The following SRGAP3 variants were observed in gnomAD, a reference collection of about 807,000 sequenced individuals.
SRGAP3 encodes SLIT-ROBO Rho GTPase activating protein 3.
SRGAP3 carries 39 observed loss-of-function variants against 121.1 expected under a neutral mutation model. The ratio of observed to expected loss-of-function variants is 0.32; its 90% CI spans 0.25 to 0.42. The LOEUF (loss-of-function observed/expected upper bound fraction) is 0.42. SRGAP3 is among the 10% of genes least tolerant of loss of function. The pLI, the probability that SRGAP3 is intolerant of heterozygous loss-of-function variation, is 1.00. For synonymous variants in SRGAP3, 601 were observed against 570.0 expected, an observed-to-expected ratio of 1.05 and a Z score of -0.77; for missense variants, 1,213 against 1,470.6, an observed-to-expected ratio of 0.82 and a Z score of 2.86.
chr3:9,298,654 G>T lies in SRGAP3; in HGVS notation n.442+27356C>A, dbSNP rs192941758. ...ACTTTCAGGTTTAGGCATTAAGAAG[G>T]CCTGGCAGCTTGAGCCACCAAGGAC... is the stretch of plus-strand genomic sequence containing the variant. On this transcript the variant is annotated intron_variant and non_coding_transcript_variant, in intron 3 of 3. Coordinates refer to the SRGAP3 transcript ENST00000490889. Among the ~76,000 whole-genome samples the T allele has an allele frequency of 3.3e-5, 5 of 152,298 alleles. No individual in the cohort carries two copies. The East Asian group carries it at 9.6e-4, about 29-fold the overall frequency.
intron 1 of SRGAP3, among the ~76,000 whole-genome samples, chr3:9,190,868 G>A (rs1951732113): frequency 6.6e-6 from 1 of 152,150 alleles, no homozygotes; most frequent in African/African-American, 2.4e-5. Context: ...CCTTAGGGGA[G>A]GGGAGCCCCA....
intron 3 of SRGAP3, among the ~76,000 whole-genome samples, chr3:9,314,985 C>G (rs1955319729): frequency 6.6e-6 from 1 of 152,204 alleles, no homozygotes; most frequent in Non-Finnish European, 1.5e-5. Context: ...AAAGCCTCTT[C>G]CATTGAAAGT....
At chr3:9,289,509 A>T (rs751369804) in intron 3 of SRGAP3, among the ~76,000 whole-genome samples, 10 of 152,136 alleles carry the variant, frequency 6.6e-5, no homozygotes, top group Non-Finnish European at 1.5e-4. Context: ...GTCTAACATC[A>T]CTTTGGTTGT....
At chr3:9,336,261 G>C (rs1206324350) in intron 1 of SRGAP3, among the ~76,000 whole-genome samples, 1 of 148,104 alleles carries the variant, frequency 6.8e-6, no homozygotes, top group African/African-American at 2.5e-5. Flanking sequence ...CTGTAACCCA[G>C]ACTATAGTTC....
chr3:9,195,131 A>G (rs1280021896), intron 1 of SRGAP3, among the ~76,000 whole-genome samples: 1 of 152,268 alleles, frequency 6.6e-6, no homozygotes, highest in East Asian at 1.9e-4. Flanking sequence ...AGAGATGCAC[A>G]TAGCTCTCCA....
intron 3 of SRGAP3, among the ~76,000 whole-genome samples, chr3:9,261,542 T>C (rs1030436895): frequency 6.6e-6 from 1 of 151,580 alleles, no homozygotes; most frequent in Non-Finnish European, 1.5e-5. Flanking sequence ...GCACAAGAAC[T>C]TCGTGAAGCA....
At chr3:9,309,106 T>G (rs1955202458) in intron 3 of SRGAP3, among the ~76,000 whole-genome samples, 1 of 152,198 alleles carries the variant, frequency 6.6e-6, no homozygotes, top group South Asian at 2.1e-4. Context: ...ATGCTCCTTT[T>G]GGGGACTCAC....
rs1343773786 is a variant in SRGAP3, at chr3:9,249,412, T to TCA, written c.-463_-462dup. The TCA allele has an allele frequency of 3.0e-5, 8 of 262,448 alleles. No homozygotes were observed. The highest frequency in any genetic ancestry group is 6.6e-5 in the African/African-American group (3 of 45,714). 16.3% of individuals were successfully genotyped at this position (262,448 alleles called of 1,614,324 possible). On this transcript the variant is annotated 5_prime_UTR_variant, in exon 1 of 22. The change creates a premature stop within an existing upstream ORF in the 5' untranslated region. Transcript: ENST00000383836. ...CACGCACACACACTCGCTGGATCACTCACACACACACATCCACGAGAGGCG... is the reference window on the plus strand; with the variant it reads ...CACGCACACACACTCGCTGGATCACTCACACACACACACATCCACGAGAGGCG...
At chr3:8,995,143 T>G (rs1313194517) in intron 18 of SRGAP3, among the ~76,000 whole-genome samples, 1 of 152,116 alleles carries the variant, frequency 6.6e-6, no homozygotes, top group Non-Finnish European at 1.5e-5. Flanking sequence ...GAGGTCATAA[T>G]GGTGGGGTCA....
chr3:8,992,532 G>A (rs767369045), intron 20 of SRGAP3: 5 of 398,220 alleles, frequency 1.3e-5, no homozygotes, highest in Non-Finnish European at 2.3e-5. Flanking sequence ...GAATATGTGA[G>A]CTTTACATTT....
intron 14 of SRGAP3, among the ~76,000 whole-genome samples, chr3:9,023,842 C>A (rs962316570): frequency 6.6e-6 from 1 of 152,132 alleles, no homozygotes; most frequent in Non-Finnish European, 1.5e-5. Context: ...CTCCCCTAGA[C>A]CCCAGAAGGC....
At chr3:9,170,798 G>A (rs1039927192) in intron 1 of SRGAP3, among the ~76,000 whole-genome samples, 5 of 152,196 alleles carry the variant, frequency 3.3e-5, no homozygotes, top group South Asian at 4.1e-4. Context: ...CTCAGGCCTC[G>A]GACGCCACAG....
At chr3:9,142,279 A>T (rs1474010278) in intron 1 of SRGAP3, among the ~76,000 whole-genome samples, 1 of 152,224 alleles carries the variant, frequency 6.6e-6, no homozygotes, top group African/African-American at 2.4e-5. Context: ...TTATTACTAT[A>T]TAAGACTCTG....
chr3:9,230,884 A>G (rs1468422641), intron 1 of SRGAP3, among the ~76,000 whole-genome samples: 1 of 144,672 alleles, frequency 6.9e-6, no homozygotes, highest in Non-Finnish European at 1.5e-5. Context: ...AAAGAAAAGA[A>G]AAGAAAAAAG....
At chr3:9,203,869 C>T (rs556263729) in intron 1 of SRGAP3, among the ~76,000 whole-genome samples, 1 of 152,334 alleles carries the variant, frequency 6.6e-6, no homozygotes, top group East Asian at 1.9e-4. Flanking sequence ...ATCCTCATAA[C>T]AACCTTGTAG....
intron 1 of SRGAP3, among the ~76,000 whole-genome samples, chr3:9,149,302 G>C (rs754584289): frequency 2.0e-5 from 3 of 151,888 alleles, no homozygotes; most frequent in Non-Finnish European, 4.4e-5. Context: ...GTCCCAGTTA[G>C]TTGAGAGCTG....
In SRGAP3 at chr3:8,985,561, C is replaced by A. The variant is rs146246562; in HGVS notation, c.3258G>T (p.Lys1086Asn). 557 of 1,598,672 alleles carry A rather than the reference C, an allele frequency of 3.5e-4. No homozygotes were observed. The highest frequency in any genetic ancestry group is 4.6e-4 in the Non-Finnish European group (541 of 1,179,432). Reference sequence around the variant, plus strand: ...TGTCCGCTGAGCTGTTGGGGAACATCTTCTCGGTGGGCGTCACGGCCGGGC... The same window carrying A: ...TGTCCGCTGAGCTGTTGGGGAACATATTCTCGGTGGGCGTCACGGCCGGGC... ...VGSPAVTPTE[K>N]MFPNSSADKS... The change falls in exon 22 of 22, where the codon AAG becomes AAT. Residue 1086 changes from lysine (K) to asparagine (N), a missense_variant. Lys to Asn is a moderately conservative substitution (Grantham distance 94). Around this residue, in one of 2 missense-constraint regions of SRGAP3, gnomAD observed 420 missense variants for 437.7 expected, o/e 0.96. Transcript: ENST00000383836. The surrounding 1 kb of genome is among the most constrained non-coding windows in gnomAD (Gnocchi z 5.1).
At chr3:9,230,592 C>T (rs1358247215) in intron 1 of SRGAP3, among the ~76,000 whole-genome samples, 1 of 152,116 alleles carries the variant, frequency 6.6e-6, no homozygotes, top group Non-Finnish European at 1.5e-5. Flanking sequence ...TGGATTTGGG[C>T]AGGCACAGTG....
At chr3:9,121,858 C>T (rs957189794) in intron 2 of SRGAP3, among the ~76,000 whole-genome samples, 1 of 152,204 alleles carries the variant, frequency 6.6e-6, no homozygotes, top group African/African-American at 2.4e-5. Context: ...GAGCCCAAGA[C>T]TTGCTGGCTC....
Sources: allele counts gnomAD v4.1 joint callset (sites outside exome capture counted in the v4.1 genomes callset), GRCh38; gene constraint gnomAD v4.1.1; regional missense constraint gnomAD v4.1.1; non-coding constraint Gnocchi (gnomAD v3.1); transcripts MANE v1.5; gene names NCBI Gene and HGNC (gene_info 2026-07-23, HGNC 2026-07-21).